Variants in FBXO42 observed in about 807,000 individuals in gnomAD.
FBXO42 encodes the protein F-box protein 42.
FBXO42 carries 12 observed loss-of-function variants against 71.7 expected under a neutral mutation model. The ratio of observed to expected loss-of-function variants is 0.17; its 90% confidence interval spans 0.11 to 0.27. FBXO42 has a LOEUF of 0.27. Among genes scored for constraint, FBXO42 ranks in the 10% least tolerant of loss-of-function variants. The probability of loss-of-function intolerance (pLI) is 1.00; values close to 1 mark genes in which losing one functional copy is unlikely to be tolerated. For synonymous variants in FBXO42, 325 were observed against 327.5 expected (o/e 0.99, Z 0.08); for missense variants, 707 against 911.9 (o/e 0.78, Z 2.89).
At chr1:16,269,165 T>G (rs2081811376) in intron 4 of FBXO42, among the ~76,000 whole-genome samples, 1 of 146,912 alleles carries the variant, frequency 6.8e-6, no homozygotes. Context: ...AGTGCAGTGG[T>G]GCAATTTCAG....
At position 16,315,175 on chromosome 1, in the gene FBXO42, T is replaced by C; in HGVS notation, c.244A>G (p.Ile82Val). The C allele has an allele frequency of 6.2e-7, 1 of 1,608,648 alleles. No homozygotes were observed. Among genetic ancestry groups the C allele is most frequent in the Non-Finnish European group, 8.5e-7 (1 of 1,175,766 alleles). ...TTTCTCCTATCCACAGTACCTTTGA[T>C]AAGTCGATACCACTGTTTGCAGACA... ...ALVCKQWYRLIKGVAHQCYHG... is the reference protein window; with the variant it reads ...ALVCKQWYRLVKGVAHQCYHG... Residue 82 changes from isoleucine to valine, a missense_variant, in exon 2 of 10, where the codon ATC becomes GTC. Physicochemically the swap from Ile to Val is conservative, Grantham distance 29 (BLOSUM62 3). This residue lies in a region of FBXO42 where 188 missense variants were observed against 230.5 expected (regional missense o/e 0.82). Transcript: ENST00000375592.
At chr1:16,349,873 A>G (rs1224681460) in intron 1 of FBXO42, among the ~76,000 whole-genome samples, 1 of 152,196 alleles carries the variant, frequency 6.6e-6, no homozygotes, top group Non-Finnish European at 1.5e-5. Context: ...ACAAACAAAA[A>G]GAGTTAATTC....
chr1:16,296,565 G>A (rs554145128), intron 3 of FBXO42, among the ~76,000 whole-genome samples: 1 of 149,686 alleles, frequency 6.7e-6, no homozygotes, highest in East Asian at 2.0e-4. Flanking sequence ...CAGGAGAATC[G>A]CTTGAACCCG....
chr1:16,317,369 G>A (rs561513225), intron 1 of FBXO42, among the ~76,000 whole-genome samples: 54 of 152,116 alleles, frequency 3.5e-4, no homozygotes, highest in Admixed American at 7.9e-4. Context: ...AGTGAGCAGA[G>A]ATCACTCCGC....
chr1:16,263,612 T>A (rs1429848201), intron 4 of FBXO42, among the ~76,000 whole-genome samples: 1 of 150,036 alleles, frequency 6.7e-6, no homozygotes, highest in Admixed American at 6.6e-5. Flanking sequence ...AATCCCAGCT[T>A]CTTGTGAGGC....
chr1:16,265,776 C>G (rs1337858522), intron 4 of FBXO42, among the ~76,000 whole-genome samples: 1 of 136,614 alleles, frequency 7.3e-6, no homozygotes, highest in Non-Finnish European at 1.7e-5. Context: ...AGATAAGTCC[C>G]TATTAAAAAA....
intron 4 of FBXO42, among the ~76,000 whole-genome samples, chr1:16,281,150 C>T (rs1225161206): frequency 3.3e-5 from 5 of 152,066 alleles, no homozygotes; most frequent in East Asian, 1.9e-4. Flanking sequence ...TTAGTAGAGA[C>T]GGGGTTTCTC....
rs1419508562 is a variant in FBXO42, at chr1:16,315,410, G to A, written c.9C>T (p.Ser3=). MA[S]SSDSEDDSFM... Reference sequence around the variant, plus strand: ...AACTGTCATCTTCACTGTCCGAGGAGCTGGCCATGACATTCCACTCAACAG... The same window carrying A: ...AACTGTCATCTTCACTGTCCGAGGAACTGGCCATGACATTCCACTCAACAG... The change falls in exon 2 of 10, where the codon AGC becomes AGT. Residue 3 remains serine, a synonymous_variant. Coordinates refer to ENST00000375592, the MANE Select transcript of FBXO42 (RefSeq NM_018994.3). 2.5e-6 allele frequency: 4 copies of A among 1,613,918 alleles called. No individual in the cohort carries two copies. The highest frequency in any genetic ancestry group is 3.4e-6 in the Non-Finnish European group (4 of 1,179,980).
At position 16,315,453 on chromosome 1, in the gene FBXO42, T is replaced by C. The variant is rs371646834; in HGVS notation, c.-17-18A>G. On this transcript the variant is annotated intron_variant, in intron 1 of 9. Coordinates refer to ENST00000375592, the MANE Select transcript of FBXO42 (RefSeq NM_018994.3). ...CTCAACAGCTGTAATAGGTAAAACA[T>C]AAATATCAGTATTCCACTGAAAGCA... 2.9e-5 allele frequency: 47 copies of C among 1,603,652 alleles called. No homozygotes were observed. The highest frequency in any genetic ancestry group is 3.7e-5 in the Non-Finnish European group (43 of 1,174,404).
intron 2 of FBXO42, among the ~76,000 whole-genome samples, chr1:16,311,926 C>T (rs1278014250): frequency 6.6e-6 from 1 of 152,074 alleles, no homozygotes; most frequent in African/African-American, 2.4e-5. Flanking sequence ...GATGCTTACA[C>T]CAGCTTTATT....
At chr1:16,288,180 G>A (rs1428362610) in intron 4 of FBXO42, among the ~76,000 whole-genome samples, 1 of 151,134 alleles carries the variant, frequency 6.6e-6, no homozygotes, top group Admixed American at 6.6e-5. Flanking sequence ...TGGCTCAAGC[G>A]TGTAATCCCA....
chr1:16,348,721 G>C (rs559275405), intron 1 of FBXO42, among the ~76,000 whole-genome samples: 1 of 151,966 alleles, frequency 6.6e-6, no homozygotes, highest in African/African-American at 2.4e-5. Flanking sequence ...AAAAGAAAAA[G>C]AAAGTTTAGT....
intron 3 of FBXO42, among the ~76,000 whole-genome samples, chr1:16,299,772 G>C (rs1050363792): frequency 6.6e-6 from 1 of 152,044 alleles, no homozygotes; most frequent in Non-Finnish European, 1.5e-5. Context: ...AGCCTCCCGA[G>C]TAGTTTGGAC....
At chr1:16,298,904 T>G (rs2082160104) in intron 3 of FBXO42, among the ~76,000 whole-genome samples, 1 of 152,224 alleles carries the variant, frequency 6.6e-6, no homozygotes, top group Non-Finnish European at 1.5e-5. Context: ...AGTCAAGGGT[T>G]TGTTACGTCT....
intron 2 of FBXO42, among the ~76,000 whole-genome samples, chr1:16,309,078 TTTTTTTTG>T (rs1483946001): frequency 7.7e-6 from 1 of 130,154 alleles, no homozygotes; most frequent in East Asian, 2.3e-4. Flanking sequence ...TTTTTTTTTT[TTTTTTTTG>T]AGACAGAGTG....
intron 4 of FBXO42, among the ~76,000 whole-genome samples, chr1:16,283,497 T>TTTTTTTTTTG (rs1291305081): frequency 4.5e-5 from 6 of 133,194 alleles, no homozygotes; most frequent in Non-Finnish European, 8.0e-5. Context: ...GTGGCAAGTT[T>TTTTTTTTTTG]TTTTTTTTTT....
At chr1:16,345,166 G>A (rs1318180145) in intron 1 of FBXO42, among the ~76,000 whole-genome samples, 1 of 151,802 alleles carries the variant, frequency 6.6e-6, no homozygotes, top group Non-Finnish European at 1.5e-5. Flanking sequence ...GCTCACGCCT[G>A]TAATCCCAGC....
chr1:16,344,349 G>T (rs1204695393), intron 1 of FBXO42, among the ~76,000 whole-genome samples: 1 of 144,162 alleles, frequency 6.9e-6, no homozygotes, highest in Non-Finnish European at 1.5e-5. Flanking sequence ...TTGAGACAGA[G>T]ACTCTACCGC....
intron 4 of FBXO42, among the ~76,000 whole-genome samples, chr1:16,291,742 A>G (rs539568932): frequency 3.4e-5 from 5 of 148,826 alleles, no homozygotes; most frequent in South Asian, 2.1e-4. Flanking sequence ...AGCAATCATC[A>G]CTCACTGTAG....
Sources: allele counts gnomAD v4.1 joint callset (sites outside exome capture counted in the v4.1 genomes callset), GRCh38; gene constraint gnomAD v4.1.1; regional missense constraint gnomAD v4.1.1; transcripts MANE v1.5; gene names NCBI Gene and HGNC (gene_info 2026-07-23, HGNC 2026-07-21).